Variants in TJP1 observed in about 807,000 individuals in gnomAD.
The protein encoded by TJP1 is tight junction protein 1, also known as tight junction protein ZO-1.
A neutral mutation model predicts 194.2 loss-of-function variants in TJP1; 43 were observed. The observed-to-expected ratio is 0.22, with a 90% CI of 0.17 to 0.29. The LOEUF is 0.29. TJP1 is among the 10% of genes least tolerant of loss of function. The probability of loss-of-function intolerance (pLI) is 1.00; values close to 1 mark genes in which losing one functional copy is unlikely to be tolerated. For synonymous variants in TJP1, 801 were observed against 779.0 expected, an observed-to-expected ratio of 1.03 and a Z score of -0.47; for missense variants, 1,971 against 2,185.7, an observed-to-expected ratio of 0.90 and a Z score of 1.96.
chr15:29,897,670 G>A (rs2152186083), intron 2 of TJP1, among the ~76,000 whole-genome samples: 1 of 152,266 alleles, frequency 6.6e-6, no homozygotes, highest in African/African-American at 2.4e-5. Flanking sequence ...AAGCCACAGG[G>A]ACAGAGCTGC....
intron 23 of TJP1, among the ~76,000 whole-genome samples, chr15:29,716,001 A>T (rs1032139779): frequency 2.0e-5 from 3 of 152,192 alleles, no homozygotes; most frequent in Non-Finnish European, 2.9e-5. Flanking sequence ...AGAGACACAG[A>T]ACCAGTAGGA....
At chr15:29,921,336 G>A (rs774877005) in intron 2 of TJP1, among the ~76,000 whole-genome samples, 1 of 152,098 alleles carries the variant, frequency 6.6e-6, no homozygotes, top group South Asian at 2.1e-4. Context: ...AGGTGCTTCC[G>A]CTTCAGGAAG....
chr15:29,900,852 A>C (rs2053612582), intron 2 of TJP1, among the ~76,000 whole-genome samples: 1 of 152,204 alleles, frequency 6.6e-6, no homozygotes, highest in South Asian at 2.1e-4. Flanking sequence ...TCAGGAGTTT[A>C]TGATCTAGTG....
At chr15:29,750,807 A>G (rs2045224885) in intron 8 of TJP1, among the ~76,000 whole-genome samples, 1 of 152,238 alleles carries the variant, frequency 6.6e-6, no homozygotes, top group South Asian at 2.1e-4. Context: ...AAGTTCATTA[A>G]TTGCATAAGG....
At chr15:29,946,299 C>T (rs1462359654) in intron 2 of TJP1, among the ~76,000 whole-genome samples, 4 of 152,226 alleles carry the variant, frequency 2.6e-5, no homozygotes, top group Non-Finnish European at 5.9e-5. Flanking sequence ...TCAGCATAGA[C>T]GTGGCTGATT....
chr15:29,801,029 A>G (rs2048747923), intron 1 of TJP1, among the ~76,000 whole-genome samples: 1 of 152,250 alleles, frequency 6.6e-6, no homozygotes, highest in South Asian at 2.1e-4. Context: ...TTATCTTAAA[A>G]TATCTAATGG....
At chr15:29,913,352 T>C (rs1264531436) in intron 2 of TJP1, among the ~76,000 whole-genome samples, 1 of 152,136 alleles carries the variant, frequency 6.6e-6, no homozygotes, top group Non-Finnish European at 1.5e-5. Flanking sequence ...GGAGGATTTG[T>C]TGGTTGTGGG....
At chr15:29,892,713 T>G (rs1018436150) in intron 2 of TJP1, among the ~76,000 whole-genome samples, 1 of 152,202 alleles carries the variant, frequency 6.6e-6, no homozygotes, top group African/African-American at 2.4e-5. Context: ...TACAGCATGG[T>G]TGGTTGAATA....
At chr15:29,702,512 A>T (rs1200915414) in intron 27 of TJP1, among the ~76,000 whole-genome samples, 9 of 152,132 alleles carry the variant, frequency 5.9e-5, no homozygotes, top group Admixed American at 4.6e-4. Flanking sequence ...AACAGGAATG[A>T]CCCTGCCCCT....
chr15:29,820,735 A>C, intron 1 of TJP1: 3 of 589,746 alleles, frequency 5.1e-6, no homozygotes, highest in Non-Finnish European at 3.0e-6. Context: ...CCAAAGCAAA[A>C]TGTTGCCTTT....
chr15:29,951,580 C>T (rs2055755052), intron 2 of TJP1, among the ~76,000 whole-genome samples: 1 of 152,038 alleles, frequency 6.6e-6, no homozygotes, highest in Admixed American at 6.6e-5. Context: ...ATTTATTAAC[C>T]CAAAAATGTA....
At chr15:29,750,329 G>A (rs971587632) in intron 8 of TJP1, among the ~76,000 whole-genome samples, 1 of 152,068 alleles carries the variant, frequency 6.6e-6, no homozygotes, top group Non-Finnish European at 1.5e-5. Context: ...AGTAGAGACA[G>A]GGTTTCACCG....
intron 2 of TJP1, among the ~76,000 whole-genome samples, chr15:29,890,553 G>T (rs1424030660): frequency 1.3e-5 from 2 of 152,138 alleles, no homozygotes; most frequent in Non-Finnish European, 2.9e-5. Context: ...AATGTTTCTC[G>T]GTTTTCTGAA....
intron 4 of TJP1, among the ~76,000 whole-genome samples, chr15:29,767,103 T>G (rs1225399248): frequency 6.6e-6 from 1 of 152,234 alleles, no homozygotes; most frequent in East Asian, 1.9e-4. Flanking sequence ...TTTCAGTCTC[T>G]GGATCTCTTC....
At chr15:29,959,812 G>A (rs138176467) in intron 1 of TJP1, among the ~76,000 whole-genome samples, 40 of 152,220 alleles carry the variant, frequency 2.6e-4, no homozygotes, top group African/African-American at 9.6e-4. Context: ...TTTCTAGGGC[G>A]TCTTCCTTTC....
intron 1 of TJP1, among the ~76,000 whole-genome samples, chr15:29,809,866 A>G (rs553866636): frequency 3.3e-5 from 5 of 151,860 alleles, no homozygotes; most frequent in Admixed American, 2.0e-4. Context: ...AAAACCAAAC[A>G]CTTAAGTACT....
chr15:29,853,627 G>A (rs1332465102), intron 2 of TJP1, among the ~76,000 whole-genome samples: 3 of 152,172 alleles, frequency 2.0e-5, no homozygotes, highest in African/African-American at 4.8e-5. Context: ...CCCCACAGGA[G>A]TCATACTTAA....
chr15:29,965,073 C>A (rs1478622356), intron 1 of TJP1, among the ~76,000 whole-genome samples: 1 of 152,226 alleles, frequency 6.6e-6, no homozygotes, highest in African/African-American at 2.4e-5. Context: ...GCCCTTTACA[C>A]TGGCAGAAGC....
chr15:29,754,234 A>G (rs1199696574), intron 8 of TJP1, among the ~76,000 whole-genome samples: 1 of 152,222 alleles, frequency 6.6e-6, no homozygotes, highest in African/African-American at 2.4e-5. Context: ...ACATGAGTGG[A>G]GCTGGAGGCC....
Sources: gnomAD v4.1 joint callset for allele counts (sites outside exome capture counted in the v4.1 genomes callset) on GRCh38, gnomAD v4.1.1 for gene constraint, MANE v1.5 for transcripts, NCBI Gene and HGNC (gene_info 2026-07-23, HGNC 2026-07-21) for gene names.